The following POLN variants were observed in gnomAD, a reference collection of about 807,000 sequenced individuals.
POLN encodes the protein DNA polymerase N.
POLN carries 108 observed loss-of-function variants against 113.5 expected under a neutral mutation model. The observed-to-expected ratio is 0.95, with a 90% confidence interval of 0.81 to 1.12. The LOEUF (loss-of-function observed/expected upper bound fraction) is 1.12, where lower values mean the gene tolerates loss of function less well. POLN is among the 50% of genes most tolerant of loss of function. POLN has a pLI of 0.00. For missense variants in POLN, 1,097 were observed against 1,077.1 expected (o/e 1.02, Z -0.26); for synonymous variants, 386 against 391.5 (o/e 0.99, Z 0.17).
chr4:2,123,878 T>C (rs374860731), intron 19 of POLN, among the ~76,000 whole-genome samples: 2 of 151,880 alleles, frequency 1.3e-5, no homozygotes, highest in African/African-American at 4.8e-5. Context: ...TTGTTCATAA[T>C]TGACAAAAAG....
Position 2,189,257 on chromosome 4 carries a change from C to G in POLN, c.1021+3947G>C, listed in dbSNP as rs556942307. Among the ~76,000 whole-genome samples the G allele has an allele frequency of 2.6e-5, 4 of 152,204 alleles. No individual in the cohort carries two copies. The East Asian group carries it at 7.7e-4, about 29-fold the overall frequency. ...GAATGGATAAGGAAATAAGACACAA[C>G]TATTTCCTGCTTACTAGAAACCCAC... On this transcript the variant is annotated intron_variant, in intron 7 of 25. Coordinates refer to ENST00000511885, the MANE Select transcript of POLN (RefSeq NM_181808.4).
chr4:2,239,780 G>A (rs369445926), intron 2 of POLN, among the ~76,000 whole-genome samples: 4 of 152,202 alleles, frequency 2.6e-5, no homozygotes, highest in African/African-American at 9.6e-5. Context: ...TTAAAATTCG[G>A]AATGCAAATT....
At chr4:2,106,441 T>C (rs1002745110) in intron 19 of POLN, among the ~76,000 whole-genome samples, 3 of 152,240 alleles carry the variant, frequency 2.0e-5, no homozygotes, top group South Asian at 2.1e-4. Flanking sequence ...TCTTATAATT[T>C]TGATAGACTG....
chr4:2,089,815 T>C (rs541807810), intron 20 of POLN: 265 of 836,572 alleles, frequency 3.2e-4, no homozygotes, highest in Non-Finnish European at 4.6e-4. Context: ...TTCAGATGGA[T>C]GAAGTCTCAA....
intron 16 of POLN, among the ~76,000 whole-genome samples, chr4:2,135,859 G>A (rs1017314508): frequency 2.0e-5 from 3 of 152,220 alleles, no homozygotes; most frequent in Admixed American, 6.5e-5. Flanking sequence ...CAGGGGAACC[G>A]TTCGTGGAAG....
rs553795893 is a variant in POLN at position 2,101,930 on chromosome 4, G to A, written c.1983-5997C>T. Among the ~76,000 whole-genome samples the A allele has an allele frequency of 3.3e-5, 5 of 152,292 alleles. No individual in the cohort carries two copies. The South Asian group carries it at 1.0e-3, about 32-fold the overall frequency. On this transcript the variant is annotated intron_variant, in intron 19 of 25. Transcript: ENST00000511885. Reference sequence around the variant, plus strand: ...GGGCTGAATTGTGGGTTAGATGTGAGCTGCCAGGTCTGACTGAACAGTGAG... The same window carrying A: ...GGGCTGAATTGTGGGTTAGATGTGAACTGCCAGGTCTGACTGAACAGTGAG...
rs1459258268 is a variant in POLN at position 2,126,120 on chromosome 4, C to T, written c.1982+1993G>A. On this transcript the variant is annotated intron_variant, in intron 19 of 25. Coordinates refer to ENST00000511885, the MANE Select transcript of POLN (RefSeq NM_181808.4). The surrounding 1 kb of genome is among the most constrained non-coding windows in gnomAD (Gnocchi z 4.6). ...GGCCTTGGCTCCTGGTGCCCTGGAC[C>T]CCACCATGTGCTGTGCTCGTCACAT... Among the ~76,000 whole-genome samples, 2 of 152,132 alleles carry T rather than the reference C, an allele frequency of 1.3e-5. No individual in the cohort carries two copies. The highest frequency in any genetic ancestry group is 2.9e-5 in the Non-Finnish European group (2 of 68,032).
rs560704152 is a variant in POLN at position 2,093,664 on chromosome 4, C to T, written c.2065+2187G>A. 1.3e-5 allele frequency among the ~76,000 whole-genome samples: 2 copies of T among 152,152 alleles called. No homozygotes were observed. The highest frequency in any genetic ancestry group is 1.3e-4 in the Admixed American group (2 of 15,284). On this transcript the variant is annotated intron_variant, in intron 20 of 25. Coordinates refer to ENST00000511885, the MANE Select transcript of POLN (RefSeq NM_181808.4). This position sits in a 1 kb window ranked among gnomAD's most constrained non-coding sequence, Gnocchi z 4.1. ...AATTTGGCAGAGTGATGCCTTCCCCCAAGACAGAGGCCCCAGGGAGGTTCA... is the reference window on the plus strand; with the variant it reads ...AATTTGGCAGAGTGATGCCTTCCCCTAAGACAGAGGCCCCAGGGAGGTTCA...
chr4:2,240,213 G>A lies in POLN; in HGVS notation c.-13+1307C>T, dbSNP rs765299599. The A allele has an allele frequency of 2.5e-6, 4 of 1,613,794 alleles. No homozygotes were observed. The highest frequency in any genetic ancestry group is 2.2e-5 in the South Asian group (2 of 91,046). ...TTCTTGATTATCACAAATAGATGGTGTCTGTATATCTAAAAGTTGAAAATT... is the reference window on the plus strand; with the variant it reads ...TTCTTGATTATCACAAATAGATGGTATCTGTATATCTAAAAGTTGAAAATT... On this transcript the variant is annotated intron_variant, in intron 2 of 25. Coordinates refer to ENST00000511885, the MANE Select transcript of POLN (RefSeq NM_181808.4).
chr4:2,127,337 T>A lies in POLN; in HGVS notation c.1982+776A>T, dbSNP rs1056841746. Among the ~76,000 whole-genome samples, 1 of 152,062 alleles carries A rather than the reference T, an allele frequency of 6.6e-6. No homozygotes were observed. The highest frequency in any genetic ancestry group is 2.4e-5 in the African/African-American group (1 of 41,392). ...CACCCGGCCCGGTGAACACCTGTGA[T>A]GTATAAGCCAAACACAATAATCCAC... On this transcript the variant is annotated intron_variant, in intron 19 of 25. Coordinates refer to ENST00000511885, the MANE Select transcript of POLN (RefSeq NM_181808.4). This position sits in a 1 kb window ranked among gnomAD's most constrained non-coding sequence, Gnocchi z 4.7.
chr4:2,207,066 C>T (rs1014155101), intron 5 of POLN, among the ~76,000 whole-genome samples: 4 of 152,262 alleles, frequency 2.6e-5, no homozygotes, highest in African/African-American at 9.6e-5. Flanking sequence ...TACTACTCAG[C>T]CATAAAAGTG....
chr4:2,088,816 G>C (rs1730604856), intron 20 of POLN: 1 of 1,431,158 alleles, frequency 7.0e-7, no homozygotes, highest in Non-Finnish European at 9.6e-7. Flanking sequence ...TTATTTCTTT[G>C]TCCTTTACAT....
chr4:2,192,179 T>C (rs1733467933), intron 7 of POLN, among the ~76,000 whole-genome samples: 1 of 151,958 alleles, frequency 6.6e-6, no homozygotes, highest in Non-Finnish European at 1.5e-5. Flanking sequence ...GATGCCTACT[T>C]TTGTATATGT....
chr4:2,194,744 C>T (rs986762544), intron 6 of POLN, among the ~76,000 whole-genome samples: 8 of 151,934 alleles, frequency 5.3e-5, no homozygotes, highest in African/African-American at 7.3e-5. Flanking sequence ...ATTAGCCAGG[C>T]GTGGTGGTGC....
chr4:2,207,998 C>T lies in POLN; in HGVS notation c.703G>A (p.Gly235Arg). The T allele has an allele frequency of 1.9e-6, 3 of 1,604,460 alleles. No homozygotes were observed. The highest frequency in any genetic ancestry group is 2.5e-6 in the Non-Finnish European group (3 of 1,176,608). Residue 235 changes from glycine (G) to arginine (R), a missense_variant, in exon 5 of 26, where the codon GGA becomes AGA. Coordinates refer to ENST00000511885, the MANE Select transcript of POLN (RefSeq NM_181808.4). ...CACTGTTTACTAACCTGGTCAGCTC[C>T]TAGCTGGGTGGAACCATCAGTATAC... ...VMYTDGSTQL[G>R]ADQTPVSSVR...
At chr4:2,136,144 C>A (rs1232387894) in intron 16 of POLN, among the ~76,000 whole-genome samples, 2 of 152,236 alleles carry the variant, frequency 1.3e-5, no homozygotes, top group Admixed American at 6.5e-5. Context: ...GGAGACCATG[C>A]CCATGTGTCT....
intron 17 of POLN, 82 bp downstream of exon 17, chr4:2,131,151 C>G: frequency 9.7e-7 from 1 of 1,031,642 alleles, no homozygotes; most frequent in Non-Finnish European, 1.5e-6. Context: ...CACAAATGCA[C>G]TCTAGCCTGG....
intron 2 of POLN, among the ~76,000 whole-genome samples, chr4:2,232,664 T>C (rs904472101): frequency 6.6e-6 from 1 of 150,998 alleles, no homozygotes; most frequent in Non-Finnish European, 1.5e-5. Flanking sequence ...TCTTACCAAA[T>C]AGAATTACAC....
intron 23 of POLN, chr4:2,079,113 G>T: frequency 5.2e-6 from 1 of 191,514 alleles, no homozygotes; most frequent in Non-Finnish European, 9.6e-6. Context: ...GTAGAGACAG[G>T]TTTCATTATG....
Sources: gnomAD v4.1 joint callset for allele counts (sites outside exome capture counted in the v4.1 genomes callset) on GRCh38, gnomAD v4.1.1 for gene constraint, Gnocchi (gnomAD v3.1) non-coding constraint, MANE v1.5 for transcripts, NCBI Gene and HGNC (gene_info 2026-07-23, HGNC 2026-07-21) for gene names.